The following RIMS2 variants were observed in gnomAD, a reference collection of about 807,000 sequenced individuals.
The protein encoded by RIMS2 is regulating synaptic membrane exocytosis protein 2.
Under a neutral mutation model 174.4 loss-of-function variants are expected in RIMS2, and 59 were observed. That is an observed-to-expected ratio of 0.34 (90% confidence interval 0.27 to 0.42). The LOEUF is 0.42. Ranked by LOEUF, RIMS2 falls within the 10% of genes least tolerant of loss-of-function variation. RIMS2 has a pLI of 1.00. For synonymous variants in RIMS2, 606 were observed against 572.5 expected, an observed-to-expected ratio of 1.06 and a Z score of -0.84; for missense variants, 1,620 against 1,666.3, an observed-to-expected ratio of 0.97 and a Z score of 0.48.
intron 3 of RIMS2, among the ~76,000 whole-genome samples, chr8:103,781,718 C>T (rs1312629831): frequency 4.8e-5 from 7 of 144,350 alleles, no homozygotes; most frequent in South Asian, 2.2e-4. Context: ...TTATTTCTTC[C>T]GTATATTATC....
chr8:104,101,912 T>C (rs1449400752), intron 19 of RIMS2, among the ~76,000 whole-genome samples: 2 of 152,182 alleles, frequency 1.3e-5, no homozygotes, highest in East Asian at 1.9e-4. Flanking sequence ...TGATTGTCTG[T>C]TAGTTCTGCA....
At chr8:103,557,659 A>C (rs755723678) in intron 1 of RIMS2, among the ~76,000 whole-genome samples, 5 of 152,196 alleles carry the variant, frequency 3.3e-5, no homozygotes, top group African/African-American at 4.8e-5. Context: ...TGCTATTTCC[A>C]TAAGTAATGA....
chr8:104,173,228 G>A (rs1374523), intron 19 of RIMS2, among the ~76,000 whole-genome samples: 18 of 152,060 alleles, frequency 1.2e-4, no homozygotes, highest in African/African-American at 2.9e-4. Flanking sequence ...AAGAAAAATT[G>A]TTTAAAATGA....
intron 2 of RIMS2, among the ~76,000 whole-genome samples, chr8:103,706,262 C>G (rs888493854): frequency 1.2e-4 from 18 of 152,142 alleles, no homozygotes; most frequent in African/African-American, 3.1e-4. Context: ...TTTAAATATG[C>G]CTTTCTTTCA....
At chr8:103,567,391 A>G (rs2092446481) in intron 1 of RIMS2, among the ~76,000 whole-genome samples, 1 of 152,128 alleles carries the variant, frequency 6.6e-6, no homozygotes. Context: ...GTCTGTTCTC[A>G]TTACTTTATA....
chr8:103,570,310 A>G (rs1450553523), intron 1 of RIMS2, among the ~76,000 whole-genome samples: 1 of 152,218 alleles, frequency 6.6e-6, no homozygotes, highest in Non-Finnish European at 1.5e-5. Flanking sequence ...AAATAACACC[A>G]ATTAAAAAAT....
At chr8:103,906,960 A>G (rs536329149) in intron 4 of RIMS2, among the ~76,000 whole-genome samples, 2 of 152,334 alleles carry the variant, frequency 1.3e-5, no homozygotes, top group East Asian at 1.9e-4. Flanking sequence ...TGTGCCATGA[A>G]AAAGCTTGGG....
At chr8:103,860,260 T>C (rs1439429355) in intron 3 of RIMS2, among the ~76,000 whole-genome samples, 9 of 152,126 alleles carry the variant, frequency 5.9e-5, no homozygotes, top group Non-Finnish European at 1.0e-4. Flanking sequence ...GGTTCTAGAG[T>C]ACAACACACT....
chr8:104,250,351 C>A (rs2099355046), intron 22 of RIMS2, among the ~76,000 whole-genome samples: 1 of 152,020 alleles, frequency 6.6e-6, no homozygotes, highest in African/African-American at 2.4e-5. Flanking sequence ...ACTTTTCTAT[C>A]CTTGCAGAAA....
intron 19 of RIMS2, among the ~76,000 whole-genome samples, chr8:104,028,660 C>T (rs2096310729): frequency 6.6e-6 from 1 of 152,130 alleles, no homozygotes; most frequent in African/African-American, 2.4e-5. Flanking sequence ...TATAAAATCC[C>T]ATTTGACAAA....
intron 1 of RIMS2, among the ~76,000 whole-genome samples, chr8:103,524,380 C>T (rs888958146): frequency 6.6e-6 from 1 of 152,030 alleles, no homozygotes; most frequent in Non-Finnish European, 1.5e-5. Context: ...AGGAGATCCA[C>T]GCCACCGAAA....
At chr8:104,026,043 G>C (rs1300429816) in intron 19 of RIMS2, among the ~76,000 whole-genome samples, 3 of 152,112 alleles carry the variant, frequency 2.0e-5, no homozygotes, top group African/African-American at 7.2e-5. Context: ...GCATTTCTCA[G>C]AACATATCCC....
chr8:103,546,809 C>T (rs542971505), intron 1 of RIMS2, among the ~76,000 whole-genome samples: 16 of 152,336 alleles, frequency 1.1e-4, no homozygotes, highest in East Asian at 1.9e-4. Context: ...CCCAGCCCCA[C>T]GAAGCAGTCC....
At chr8:103,766,452 C>A in exon 3 of RIMS2, 1 of 1,613,586 alleles carries the variant, frequency 6.2e-7, no homozygotes, top group East Asian at 2.2e-5. Flanking sequence ...GGAGAAAAGT[C>A]GATCTCATGG....
chr8:104,036,067 A>G (rs11984771), intron 19 of RIMS2, among the ~76,000 whole-genome samples: 38,441 of 151,814 alleles, frequency 0.25, 5,282 homozygotes, highest in African/African-American at 0.35. Context: ...TGCCAAGCCT[A>G]TTTTTCAGTA....
At chr8:103,582,777 A>G (rs2093687971) in intron 1 of RIMS2, among the ~76,000 whole-genome samples, 1 of 152,184 alleles carries the variant, frequency 6.6e-6, no homozygotes, top group Non-Finnish European at 1.5e-5. Flanking sequence ...AATAAAATAG[A>G]ACACCAGGTA....
chr8:103,751,189 A>G (rs1025811361), intron 2 of RIMS2, among the ~76,000 whole-genome samples: 3 of 152,154 alleles, frequency 2.0e-5, no homozygotes, highest in Admixed American at 2.0e-4. Flanking sequence ...GAGTGAGAAC[A>G]TGCGGTGTTT....
In RIMS2 at chr8:103,910,548, C is replaced by T. The variant is rs1216668734; in HGVS notation, c.1692+347C>T. On this transcript the variant is annotated intron_variant, in intron 5 of 23. Coordinates refer to ENST00000504942, the Ensembl canonical transcript of RIMS2. Reference sequence around the variant, plus strand: ...TGATAAGGTACTGAGATTGTGGAGCCTGCCTTTTAACCTGCTCATTTGGTC... The same window carrying T: ...TGATAAGGTACTGAGATTGTGGAGCTTGCCTTTTAACCTGCTCATTTGGTC... The T allele has an allele frequency of 6.7e-7, 1 of 1,503,110 alleles. No individual in the cohort carries two copies. The highest frequency in any genetic ancestry group is 9.1e-7 in the Non-Finnish European group (1 of 1,094,950). The allele number at this position is 1,503,110 out of a possible 1,614,324, so 93.1% of individuals were successfully genotyped here.
chr8:103,993,084 A>C (rs777899830), intron 17 of RIMS2, among the ~76,000 whole-genome samples: 9 of 152,186 alleles, frequency 5.9e-5, no homozygotes, highest in Non-Finnish European at 7.3e-5. Flanking sequence ...ACTGCACTCC[A>C]GCCTGGGTGA....
Sources: gnomAD v4.1 joint callset for allele counts (sites outside exome capture counted in the v4.1 genomes callset) on GRCh38, gnomAD v4.1.1 for gene constraint, MANE v1.5 for transcripts, NCBI Gene and HGNC (gene_info 2026-07-23, HGNC 2026-07-21) for gene names.